Variants in CHSY3 observed in about 807,000 individuals in gnomAD.
CHSY3 encodes chondroitin sulfate synthase 3, also known as N-acetylgalactosaminyl-proteoglycan 3-beta-glucuronosyltransferase 3.
In CHSY3, 35 loss-of-function variants were observed where a neutral mutation model predicts 67.2. The ratio of observed to expected loss-of-function variants is 0.52; its 90% CI spans 0.40 to 0.69. CHSY3 has a LOEUF of 0.69. CHSY3 is among the 30% of genes least tolerant of loss of function. CHSY3 has a pLI of 0.00. For missense variants in CHSY3, 1,069 were observed against 1,138.5 expected (o/e 0.94, Z 0.88); for synonymous variants, 474 against 434.7 (o/e 1.09, Z -1.12).
intron 2 of CHSY3, among the ~76,000 whole-genome samples, chr5:129,996,143 G>T (rs1020770530): frequency 1.3e-5 from 2 of 152,130 alleles, no homozygotes; most frequent in African/African-American, 4.8e-5. Flanking sequence ...TTGTCAGAGT[G>T]ATTTTTGTTT....
At position 129,942,476 on chromosome 5, in the gene CHSY3, A is replaced by G. The variant is rs115253904; in HGVS notation, c.1086+34116A>G. On this transcript the variant is annotated intron_variant, in intron 2 of 2. Coordinates refer to ENST00000305031, the MANE Select transcript of CHSY3 (RefSeq NM_175856.5). ...GATTTTATTTAGATGTAATAACATC[A>G]AATAATTATCTCTAAATTTTCTTCC... Among the ~76,000 whole-genome samples the G allele has an allele frequency of 1.9e-3, 291 of 152,254 alleles. 1 individual carries two copies. Among genetic ancestry groups the G allele is most frequent in the African/African-American group, 6.8e-3 (281 of 41,558 alleles).
At chr5:129,936,004 C>G (rs1289741012) in intron 2 of CHSY3, among the ~76,000 whole-genome samples, 2 of 152,126 alleles carry the variant, frequency 1.3e-5, no homozygotes, top group East Asian at 3.9e-4. Flanking sequence ...GAAAAAAAAT[C>G]TGAATTTCAA....
At position 129,905,024 on chromosome 5, in the gene CHSY3, G is replaced by C. The variant is rs1483241799; in HGVS notation, c.195G>C (p.Gln65His). The change falls in exon 1 of 3, where the codon CAG becomes CAC. Residue 65 changes from glutamine (Q) to histidine (H), a missense_variant. This residue lies in a region of CHSY3 where 309 missense variants were observed against 262.5 expected (regional missense o/e 1.18). Coordinates refer to ENST00000305031, the MANE Select transcript of CHSY3 (RefSeq NM_175856.5). Reference protein sequence around the residue: ...PRAGAQQPLPQPQSRPRQEQS... With the variant: ...PRAGAQQPLPHPQSRPRQEQS... ...CCGGCGCTCAGCAGCCGCTCCCCCAGCCCCAGTCCCGACCACGGCAGGAGC... is the reference window on the plus strand; with the variant it reads ...CCGGCGCTCAGCAGCCGCTCCCCCACCCCCAGTCCCGACCACGGCAGGAGC... 6.4e-7 allele frequency: 1 copy of C among 1,562,772 alleles called. No homozygotes were observed. Among genetic ancestry groups the C allele is most frequent in the Admixed American group, 1.8e-5 (1 of 56,310 alleles).
intron 2 of CHSY3, among the ~76,000 whole-genome samples, chr5:130,009,520 A>G (rs924512356): frequency 6.6e-6 from 1 of 152,138 alleles, no homozygotes; most frequent in Middle Eastern, 3.4e-3. Context: ...AAAAAGAAGA[A>G]AGAAAGAAAA....
At chr5:130,129,187 A>G (rs62393188) in intron 2 of CHSY3, among the ~76,000 whole-genome samples, 16,797 of 152,102 alleles carry the variant, frequency 0.11, 1,148 homozygotes, top group African/African-American at 0.17. Context: ...CCAAAATATA[A>G]CATTAATACA....
chr5:130,002,974 T>A (rs751649598), intron 2 of CHSY3, among the ~76,000 whole-genome samples: 102 of 152,310 alleles, frequency 6.7e-4, no homozygotes, highest in Non-Finnish European at 1.2e-3. Flanking sequence ...TTAAAAACAT[T>A]TCCTGTGTTC....
chr5:130,012,188 G>A (rs1764084090), intron 2 of CHSY3, among the ~76,000 whole-genome samples: 1 of 152,156 alleles, frequency 6.6e-6, no homozygotes, highest in African/African-American at 2.4e-5. Context: ...AACACTGCCA[G>A]GAGTCAAACT....
Position 129,966,034 on chromosome 5 carries a change from T to C in CHSY3, c.1086+57674T>C, listed in dbSNP as rs73241780. On this transcript the variant is annotated intron_variant, in intron 2 of 2. Transcript: ENST00000305031. ...ACACATGCAAAGATGTAAAGCTCCA[T>C]CCTAACTTTTCTGACAACATGCTTT... 9.0e-3 allele frequency among the ~76,000 whole-genome samples: 1,370 copies of C among 152,020 alleles called. 18 individuals are homozygous for C. Among genetic ancestry groups the C allele is most frequent in the African/African-American group, 0.031 (1,299 of 41,520 alleles).
rs368693743 is a variant in CHSY3, at chr5:129,937,512, AC to A, written c.1086+29153del. 4.0e-3 allele frequency among the ~76,000 whole-genome samples: 607 copies of A among 152,192 alleles called. 2 individuals carry two copies. Among genetic ancestry groups the A allele is most frequent in the African/African-American group, 0.014 (563 of 41,520 alleles). ...CCCTCCCAAGTCTCATGTCCTTCTCACATTTTAAAACACAATAATGCCTCCT... is the reference window on the plus strand; with the variant it reads ...CCCTCCCAAGTCTCATGTCCTTCTCAATTTTAAAACACAATAATGCCTCCT... On this transcript the variant is annotated intron_variant, in intron 2 of 2. Transcript: ENST00000305031.
intron 2 of CHSY3, among the ~76,000 whole-genome samples, chr5:130,152,914 A>G (rs1010411270): frequency 4.6e-5 from 7 of 152,154 alleles, no homozygotes; most frequent in African/African-American, 1.7e-4. Context: ...AGTCAAATCA[A>G]TGGCATGTTA....
intron 2 of CHSY3, among the ~76,000 whole-genome samples, chr5:130,087,845 T>C (rs1561530924): frequency 6.6e-6 from 1 of 151,252 alleles, no homozygotes. Context: ...AATGACTTTC[T>C]TCACAGAATT....
At chr5:130,086,789 CA>C (rs1462202404) in intron 2 of CHSY3, among the ~76,000 whole-genome samples, 1 of 151,912 alleles carries the variant, frequency 6.6e-6, no homozygotes, top group Non-Finnish European at 1.5e-5. Flanking sequence ...ACCAGAGGTA[CA>C]AGGAGGAACT....
chr5:130,102,382 T>C lies in CHSY3; in HGVS notation c.1087-81847T>C, dbSNP rs143889923. Among the ~76,000 whole-genome samples, 175 of 152,136 alleles carry C rather than the reference T, an allele frequency of 1.2e-3. 1 individual carries two copies. The highest frequency in any genetic ancestry group is 3.5e-3 in the African/African-American group (144 of 41,532). On this transcript the variant is annotated intron_variant, in intron 2 of 2. Transcript: ENST00000305031. The stretch of plus-strand genomic sequence containing the variant: ...CATTAGTCTTGAATACTATTTTAAT[T>C]AAACAAAATTAAAATTCATACTGTT...
intron 2 of CHSY3, among the ~76,000 whole-genome samples, chr5:129,925,638 A>G (rs1479379793): frequency 6.6e-6 from 1 of 152,110 alleles, no homozygotes; most frequent in African/African-American, 2.4e-5. Flanking sequence ...ATTAACTATA[A>G]TAATCACAAC....
At chr5:130,165,683 A>G (rs1472198268) in intron 2 of CHSY3, among the ~76,000 whole-genome samples, 3 of 152,144 alleles carry the variant, frequency 2.0e-5, no homozygotes, top group Non-Finnish European at 4.4e-5. Context: ...ATACATGCAC[A>G]TATCTATGTG....
chr5:130,169,259 A>C (rs970727478), intron 2 of CHSY3, among the ~76,000 whole-genome samples: 2 of 152,130 alleles, frequency 1.3e-5, no homozygotes, highest in African/African-American at 4.8e-5. Flanking sequence ...AATGAATATA[A>C]ATTTTTCACT....
chr5:129,949,323 A>T lies in CHSY3; in HGVS notation c.1086+40963A>T, dbSNP rs551539026. On this transcript the variant is annotated intron_variant, in intron 2 of 2. Transcript: ENST00000305031. Reference sequence around the variant, plus strand: ...AAATCATAAGAAACTATGAACAATTATACACCAATGACCTGGAAACCTAGA... The same window carrying T: ...AAATCATAAGAAACTATGAACAATTTTACACCAATGACCTGGAAACCTAGA... Among the ~76,000 whole-genome samples, 209 of 152,290 alleles carry T rather than the reference A, an allele frequency of 1.4e-3. 2 individuals are homozygous for T. The highest frequency in any genetic ancestry group is 4.7e-3 in the African/African-American group (195 of 41,572).
intron 2 of CHSY3, among the ~76,000 whole-genome samples, chr5:129,922,176 T>C (rs529090095): frequency 6.6e-6 from 1 of 152,372 alleles, no homozygotes; most frequent in South Asian, 2.1e-4. Context: ...CATTCTTGTT[T>C]ATGGCTGAAC....
chr5:129,951,472 TG>T (rs1762020801), intron 2 of CHSY3, among the ~76,000 whole-genome samples: 1 of 152,226 alleles, frequency 6.6e-6, no homozygotes, highest in African/African-American at 2.4e-5. Flanking sequence ...ATTTTCTATT[TG>T]AAATTAAATA....
Sources: gnomAD v4.1 joint callset for allele counts (sites outside exome capture counted in the v4.1 genomes callset) on GRCh38, gnomAD v4.1.1 for gene constraint, gnomAD v4.1.1 regional missense constraint, MANE v1.5 for transcripts, NCBI Gene and HGNC (gene_info 2026-07-23, HGNC 2026-07-21) for gene names.